Variants in OR1J2 observed in about 807,000 individuals in gnomAD.
OR1J2 encodes olfactory receptor 1J2.
For missense variants in OR1J2, 304 were observed against 246.1 expected (o/e 1.24, Z -1.57); for synonymous variants, 142 against 99.7 (o/e 1.42, Z -2.52).
At chr9:122,497,120 A>G in the OR1J2 span, among the ~76,000 whole-genome samples, 1 of 152,264 alleles carries the variant, frequency 6.6e-6, no homozygotes, top group South Asian at 2.1e-4. Flanking sequence ...CCCAGACCAC[A>G]AGCCTTCCTG....
the OR1J2 span, chr9:122,568,123 T>C: frequency 1.9e-6 from 3 of 1,614,090 alleles, no homozygotes; most frequent in Non-Finnish European, 2.5e-6. Flanking sequence ...TCAAAGGCCA[T>C]GACTGCCAGA....
At chr9:122,504,807 C>T in the OR1J2 span, among the ~76,000 whole-genome samples, 1 of 152,098 alleles carries the variant, frequency 6.6e-6, no homozygotes. Flanking sequence ...CTGTATCTGG[C>T]ATCTGAGCTC....
chr9:122,471,905 T>G, the OR1J2 span, among the ~76,000 whole-genome samples: 4 of 152,236 alleles, frequency 2.6e-5, no homozygotes, highest in African/African-American at 9.6e-5. Context: ...AAACCTGTCC[T>G]GCTAGACTCC....
chr9:122,570,582 C>G, the OR1J2 span, among the ~76,000 whole-genome samples: 1 of 152,290 alleles, frequency 6.6e-6, no homozygotes, highest in East Asian at 1.9e-4. Context: ...ATTTGAAAGA[C>G]TTAAAAGAGG....
chr9:122,571,687 G>T, the OR1J2 span, among the ~76,000 whole-genome samples: 1 of 150,670 alleles, frequency 6.6e-6, no homozygotes. Flanking sequence ...CTGCACTCCA[G>T]CCTGGCGACA....
chr9:122,553,537 T>A, the OR1J2 span: 2 of 1,614,136 alleles, frequency 1.2e-6, no homozygotes, highest in Non-Finnish European at 1.7e-6. Context: ...TTCCTCCTTA[T>A]GTTTGGTGGC....
the OR1J2 span, among the ~76,000 whole-genome samples, chr9:122,546,507 T>C: frequency 1.3e-5 from 2 of 152,184 alleles, no homozygotes; most frequent in Non-Finnish European, 2.9e-5. Flanking sequence ...GTCCAAGTGA[T>C]GACCACCTAC....
At chr9:122,499,722 C>T in the OR1J2 span, among the ~76,000 whole-genome samples, 3 of 152,298 alleles carry the variant, frequency 2.0e-5, no homozygotes, top group South Asian at 4.1e-4. Flanking sequence ...GGAAGAGCCT[C>T]GCTGCACCAA....
the OR1J2 span, among the ~76,000 whole-genome samples, chr9:122,557,738 T>C: frequency 6.6e-6 from 1 of 152,044 alleles, no homozygotes; most frequent in Non-Finnish European, 1.5e-5. Context: ...AGCTAAAAGT[T>C]CTTTCTTACT....
the OR1J2 span, among the ~76,000 whole-genome samples, chr9:122,529,233 G>C: frequency 1.3e-5 from 2 of 151,448 alleles, no homozygotes; most frequent in Non-Finnish European, 2.9e-5. Context: ...TAATAGCCAT[G>C]TCCAGAAGGG....
At chr9:122,481,809 A>T in the OR1J2 span, among the ~76,000 whole-genome samples, 1 of 152,188 alleles carries the variant, frequency 6.6e-6, no homozygotes, top group Non-Finnish European at 1.5e-5. Flanking sequence ...GGATATGCAC[A>T]TGCAGAACAA....
the OR1J2 span, among the ~76,000 whole-genome samples, chr9:122,571,427 G>A: frequency 6.6e-6 from 1 of 151,956 alleles, no homozygotes; most frequent in African/African-American, 2.4e-5. Flanking sequence ...GCGGGGGCCT[G>A]TAATCCCAGC....
the OR1J2 span, among the ~76,000 whole-genome samples, chr9:122,537,168 G>A: frequency 6.6e-6 from 1 of 152,328 alleles, no homozygotes; most frequent in Non-Finnish European, 1.5e-5. Context: ...TCACATGAAA[G>A]GATCGTGATT....
the OR1J2 span, among the ~76,000 whole-genome samples, chr9:122,570,531 A>G: frequency 6.6e-6 from 1 of 152,254 alleles, no homozygotes; most frequent in South Asian, 2.1e-4. Context: ...AAAATCGAAC[A>G]CAAATATCCA....
chr9:122,544,426 T>C, the OR1J2 span, among the ~76,000 whole-genome samples: 16 of 144,756 alleles, frequency 1.1e-4, no homozygotes, highest in African/African-American at 3.8e-4. Context: ...TTTTTTTTTT[T>C]TTTTTTTTTT....
chr9:122,451,698 A>G, the OR1J2 span, among the ~76,000 whole-genome samples: 78 of 152,334 alleles, frequency 5.1e-4, no homozygotes, highest in African/African-American at 1.8e-3. Flanking sequence ...TACCTGTAGC[A>G]GAAAGATTAG....
chr9:122,477,395 A>C, the OR1J2 span: 3 of 1,614,088 alleles, frequency 1.9e-6, no homozygotes, highest in Non-Finnish European at 8.5e-7. Context: ...AGGTCACAGA[A>C]GTAGTGAGGG....
the OR1J2 span, among the ~76,000 whole-genome samples, chr9:122,558,311 CTTTTTTTTTTTTTTT>C: frequency 8.7e-5 from 3 of 34,472 alleles, no homozygotes; most frequent in African/African-American, 2.4e-4. Context: ...TTGGATTTTG[CTTTTTTTTTTTTTTT>C]TTTTTTTTTT....
At chr9:122,519,380 G>A in the OR1J2 span, 2 of 1,614,132 alleles carry the variant, frequency 1.2e-6, no homozygotes, top group Middle Eastern at 1.6e-4. Context: ...CTGTCCCAAA[G>A]ATGTTATTAA....
Sources: gnomAD v4.1 joint callset for allele counts (sites outside exome capture counted in the v4.1 genomes callset) on GRCh38, gnomAD v4.1.1 for gene constraint, MANE v1.5 for transcripts, NCBI Gene and HGNC (gene_info 2026-07-23, HGNC 2026-07-21) for gene names.